RPE: variants seen among roughly 807,000 people sequenced by gnomAD.
RPE encodes ribulose-phosphate 3-epimerase.
RPE carries 16 observed loss-of-function variants against 24.6 expected under a neutral mutation model. The ratio of observed to expected loss-of-function variants is 0.65; its 90% CI spans 0.44 to 0.99. The LOEUF (loss-of-function observed/expected upper bound fraction) is 0.99, where lower values mean the gene tolerates loss of function less well. RPE is among the 50% of genes least tolerant of loss of function. RPE has a pLI of 0.00. For synonymous variants in RPE, 93 were observed against 98.4 expected (o/e 0.94, Z 0.33); for missense variants, 240 against 294.5 (o/e 0.81, Z 1.35).
chr2:210,015,491 T>C (rs921648908), intron 2 of RPE, among the ~76,000 whole-genome samples: 10 of 152,202 alleles, frequency 6.6e-5, no homozygotes, highest in African/African-American at 1.9e-4. Flanking sequence ...TGTTTGACTC[T>C]CGCATTAAGA....
At chr2:210,003,317 T>G in intron 1 of RPE, 1 of 442,234 alleles carries the variant, frequency 2.3e-6, no homozygotes, top group Non-Finnish European at 3.9e-6. Context: ...CTTAGGCATC[T>G]TGGAAGATGA....
At chr2:210,016,165 T>A in intron 3 of RPE, 53 bp downstream of exon 3, 1 of 1,613,968 alleles carries the variant, frequency 6.2e-7, no homozygotes, top group Non-Finnish European at 8.5e-7. Flanking sequence ...GTTGGGAAGA[T>A]TTGCGGGAAA....
intron 1 of RPE, chr2:210,003,354 A>G (rs1358302827): frequency 7.5e-5 from 55 of 734,914 alleles, no homozygotes; most frequent in Non-Finnish European, 1.1e-4. Context: ...AGAAGTTTAC[A>G]GTGCCTGGCG....
chr2:210,003,839 A>G (rs1339132223), intron 1 of RPE, among the ~76,000 whole-genome samples: 1 of 152,140 alleles, frequency 6.6e-6, no homozygotes, highest in Non-Finnish European at 1.5e-5. Flanking sequence ...GAAGAGTTTT[A>G]TCTTCCATTG....
rs1372608949 is a variant in RPE at position 210,017,481 on chromosome 2, G to A, written c.486G>A (p.Trp162Ter). 2 of 1,595,580 alleles carry A rather than the reference G, an allele frequency of 1.3e-6. No homozygotes were observed. The highest frequency in any genetic ancestry group is 8.5e-7 in the Non-Finnish European group (1 of 1,171,968). ...FMEDMMPKVH[W>*]LRTQFPSLDI... The stretch of plus-strand genomic sequence containing the variant: ...CTCATGTATATATCTAGGTTCACTG[G>A]TTGAGGACCCAGTTCCCATCTTTGG... The change falls in exon 5 of 6, where the codon TGG (tryptophan) becomes TGA (stop). Residue 162 changes from tryptophan (W) to a stop codon, truncating the protein, a stop_gained. Coordinates refer to ENST00000359429, the MANE Select transcript of RPE (RefSeq NM_199229.3). LOFTEE classifies it high-confidence loss of function.
At chr2:210,003,366 A>G (rs997151885) in intron 1 of RPE, 3 of 872,358 alleles carry the variant, frequency 3.4e-6, no homozygotes, top group Middle Eastern at 3.2e-4. Context: ...TGCCTGGCGT[A>G]TATTAAGTTC....
rs1457885565 is a variant in RPE at position 210,019,787 on chromosome 2, G to A, written c.683G>A (p.Arg228Gln). Reference protein sequence around the residue: ...SEAAQKRSLDR With the variant: ...SEAAQKRSLDQ Reference sequence around the variant, plus strand: ...GCTGCTCAGAAACGTTCTCTTGATCGGTGAAACCATAAGGAGCCCAGTGTT... The same window carrying A: ...GCTGCTCAGAAACGTTCTCTTGATCAGTGAAACCATAAGGAGCCCAGTGTT... The change falls in exon 6 of 6, where the codon CGG becomes CAG. Residue 228 changes from arginine to glutamine, a missense_variant. Coordinates refer to ENST00000359429, the MANE Select transcript of RPE (RefSeq NM_199229.3). 14 of 1,611,410 alleles carry A rather than the reference G, an allele frequency of 8.7e-6. No individual in the cohort carries two copies. Among genetic ancestry groups the A allele is most frequent in the Non-Finnish European group, 1.1e-5 (13 of 1,178,452 alleles).
intron 2 of RPE, among the ~76,000 whole-genome samples, chr2:210,014,151 G>A (rs1484947550): frequency 6.6e-6 from 1 of 152,058 alleles, no homozygotes; most frequent in East Asian, 1.9e-4. Flanking sequence ...GAGTGCAGTG[G>A]AGCGATCTCG....
At chr2:210,014,154 C>T (rs1452079898) in intron 2 of RPE, among the ~76,000 whole-genome samples, 6 of 151,726 alleles carry the variant, frequency 4.0e-5, no homozygotes, top group Non-Finnish European at 5.9e-5. Flanking sequence ...TGCAGTGGAG[C>T]GATCTCGGCT....
At chr2:210,008,820 C>G (rs998930606) in intron 1 of RPE, among the ~76,000 whole-genome samples, 1 of 151,816 alleles carries the variant, frequency 6.6e-6, no homozygotes, top group Non-Finnish European at 1.5e-5. Flanking sequence ...CTCAGCCTGC[C>G]TAGAAGCTGG....
Position 210,016,500 on chromosome 2 carries a change from G to A in RPE, c.343-7G>A. 6.2e-7 allele frequency: 1 copy of A among 1,614,242 alleles called. No homozygotes were observed. The highest frequency in any genetic ancestry group is 8.5e-7 in the Non-Finnish European group (1 of 1,180,040). ...AATGTGATATAGCATATTTGTGTCT[G>A]TTACAGGTTGGCCTTGCCATCAAAC... On this transcript the variant is annotated splice_polypyrimidine_tract_variant and splice_region_variant and intron_variant, in intron 3 of 5. Coordinates refer to ENST00000359429, the MANE Select transcript of RPE (RefSeq NM_199229.3).
chr2:210,009,589 T>G, intron 1 of RPE, 68 bp from the exon 2 acceptor site: 1 of 1,584,094 alleles, frequency 6.3e-7, no homozygotes, highest in Non-Finnish European at 8.7e-7. Flanking sequence ...TGTGTCAGAA[T>G]TCATATTGAG....
chr2:210,003,418 C>T (rs1238027242), intron 1 of RPE: 1 of 1,279,410 alleles, frequency 7.8e-7, no homozygotes. Context: ...TTCTGATTTT[C>T]CTGTCTATTT....
chr2:210,017,993 C>G, intron 5 of RPE: 1 of 701,874 alleles, frequency 1.4e-6, no homozygotes. Context: ...GACCTGCCTG[C>G]CTCGGCCTCC....
chr2:210,002,868 G>A, intron 1 of RPE, 85 bp downstream of exon 1: 5 of 1,608,434 alleles, frequency 3.1e-6, no homozygotes, highest in Non-Finnish European at 4.2e-6. Context: ...GATGTACCGC[G>A]TCCCTGTACC....
chr2:210,009,765 G>A (rs1424216794), intron 2 of RPE, 29 bp downstream of exon 2: 10 of 1,613,864 alleles, frequency 6.2e-6, no homozygotes, highest in African/African-American at 1.3e-5. Flanking sequence ...ATCTGAAGCT[G>A]GATGTGTTGC....
chr2:210,003,458 G>C (rs1156521296), intron 1 of RPE: 1 of 1,288,124 alleles, frequency 7.8e-7, no homozygotes, highest in South Asian at 1.2e-5. Context: ...CTTCAGGGAG[G>C]TCAGTTTTTT....
At chr2:210,011,904 A>C (rs1434708221) in intron 2 of RPE, among the ~76,000 whole-genome samples, 1 of 147,890 alleles carries the variant, frequency 6.8e-6, no homozygotes. Flanking sequence ...CTAATCTTGA[A>C]TGCTTGGGCT....
At chr2:210,008,588 C>G (rs1238307078) in intron 1 of RPE, among the ~76,000 whole-genome samples, 1 of 20,222 alleles carries the variant, frequency 4.9e-5, no homozygotes, top group African/African-American at 6.1e-5. Context: ...CCACCATGCC[C>G]GGCCCCGGTT....
Sources: gnomAD v4.1 joint callset for allele counts (sites outside exome capture counted in the v4.1 genomes callset) on GRCh38, gnomAD v4.1.1 for gene constraint, MANE v1.5 for transcripts, NCBI Gene and HGNC (gene_info 2026-07-23, HGNC 2026-07-21) for gene names.